CNTN4: variants seen among roughly 807,000 people sequenced by gnomAD.
The protein encoded by CNTN4 is contactin 4.
In CNTN4, 77 loss-of-function variants were observed where a neutral mutation model predicts 122.5. That is an observed-to-expected ratio of 0.63 (90% CI 0.52 to 0.76). CNTN4 has a LOEUF of 0.76. Among genes scored for constraint, CNTN4 ranks in the 30% least tolerant of loss-of-function variants. CNTN4 has a pLI of 0.00. For synonymous variants in CNTN4, 512 were observed against 447.0 expected, an observed-to-expected ratio of 1.15 and a Z score of -1.83; for missense variants, 1,256 against 1,259.1, an observed-to-expected ratio of 1.00 and a Z score of 0.04.
At chr3:2,375,592 G>C (rs767371014) in intron 3 of CNTN4, among the ~76,000 whole-genome samples, 1 of 152,138 alleles carries the variant, frequency 6.6e-6, no homozygotes, top group Non-Finnish European at 1.5e-5. Context: ...CAAAGCTCCT[G>C]CCAATTTCTG....
At chr3:2,931,027 G>T (rs1184298488) in intron 13 of CNTN4, among the ~76,000 whole-genome samples, 1 of 152,182 alleles carries the variant, frequency 6.6e-6, no homozygotes, top group Non-Finnish European at 1.5e-5. Flanking sequence ...GAAGACCATG[G>T]ACAGAATTGA....
intron 2 of CNTN4, among the ~76,000 whole-genome samples, chr3:2,161,712 C>T (rs1332298662): frequency 6.6e-6 from 1 of 152,082 alleles, no homozygotes; most frequent in Non-Finnish European, 1.5e-5. Context: ...ACGATGAGGA[C>T]AGAAGACATA....
intron 6 of CNTN4, among the ~76,000 whole-genome samples, chr3:2,774,914 A>G (rs1014647822): frequency 2.0e-5 from 3 of 152,224 alleles, no homozygotes; most frequent in Middle Eastern, 3.2e-3. Context: ...CAGGATTCTT[A>G]TGTCAATTCC....
At chr3:2,809,357 A>T (rs377268076) in intron 6 of CNTN4, among the ~76,000 whole-genome samples, 1 of 152,188 alleles carries the variant, frequency 6.6e-6, no homozygotes, top group African/African-American at 2.4e-5. Flanking sequence ...AACAGCAAGG[A>T]CATGGGTCCT....
chr3:2,583,571 A>C (rs2080044632), intron 4 of CNTN4, among the ~76,000 whole-genome samples: 2 of 152,230 alleles, frequency 1.3e-5, no homozygotes, highest in South Asian at 2.1e-4. Context: ...GATTTCAGAT[A>C]GTGGTTTTGG....
At chr3:2,859,364 C>T (rs2093649508) in intron 7 of CNTN4, among the ~76,000 whole-genome samples, 1 of 152,156 alleles carries the variant, frequency 6.6e-6, no homozygotes, top group Non-Finnish European at 1.5e-5. Context: ...CTACAATAAA[C>T]ATGAGAGTGC....
chr3:2,421,951 A>G (rs1199043829), intron 3 of CNTN4, among the ~76,000 whole-genome samples: 5 of 151,706 alleles, frequency 3.3e-5, no homozygotes, highest in Non-Finnish European at 5.9e-5. Context: ...TTCCTTTTAG[A>G]TGTCATTCAT....
chr3:2,853,683 C>G (rs190746861), intron 7 of CNTN4, among the ~76,000 whole-genome samples: 15 of 152,350 alleles, frequency 9.8e-5, no homozygotes, highest in Admixed American at 9.1e-4. Flanking sequence ...CCCAGACCAG[C>G]TTGTCAAAAA....
intron 13 of CNTN4, among the ~76,000 whole-genome samples, chr3:2,947,098 T>G (rs2094686897): frequency 6.6e-6 from 1 of 152,218 alleles, no homozygotes; most frequent in South Asian, 2.1e-4. Flanking sequence ...CATACAATCC[T>G]TGTATCCCAA....
At chr3:2,645,679 T>C (rs1479621094) in intron 4 of CNTN4, among the ~76,000 whole-genome samples, 1 of 152,220 alleles carries the variant, frequency 6.6e-6, no homozygotes, top group Non-Finnish European at 1.5e-5. Flanking sequence ...CAAAATCTAC[T>C]GGGAATATGT....
chr3:2,676,178 A>G (rs1202743966), intron 4 of CNTN4, among the ~76,000 whole-genome samples: 1 of 152,068 alleles, frequency 6.6e-6, no homozygotes, highest in Non-Finnish European at 1.5e-5. Context: ...CCTGAACACC[A>G]AACATCCAGT....
chr3:2,451,108 C>G (rs1051461879), intron 3 of CNTN4, among the ~76,000 whole-genome samples: 4 of 152,110 alleles, frequency 2.6e-5, no homozygotes, highest in Admixed American at 1.3e-4. Flanking sequence ...ATTTGGTTTT[C>G]TCCTTCATGA....
chr3:2,135,405 T>C (rs186556232), intron 2 of CNTN4, among the ~76,000 whole-genome samples: 34 of 152,360 alleles, frequency 2.2e-4, no homozygotes, highest in African/African-American at 7.9e-4. Context: ...TTTAAGATAG[T>C]AAATCTCTAT....
chr3:3,005,865 C>G (rs971121409), intron 14 of CNTN4, among the ~76,000 whole-genome samples: 2 of 150,630 alleles, frequency 1.3e-5, no homozygotes, highest in East Asian at 3.9e-4. Context: ...CAATTGCACT[C>G]TATCTCAGCA....
intron 11 of CNTN4, 50 bp downstream of exon 11, chr3:2,900,871 T>C: frequency 6.2e-7 from 1 of 1,603,872 alleles, no homozygotes; most frequent in East Asian, 2.2e-5. Flanking sequence ...TAACGTTTAA[T>C]ATAGCCTCAT....
chr3:2,938,233 T>A (rs1304677666), intron 13 of CNTN4, among the ~76,000 whole-genome samples: 2 of 152,132 alleles, frequency 1.3e-5, no homozygotes, highest in African/African-American at 4.8e-5. Flanking sequence ...TTGGCTCTAG[T>A]CCTGTATTTC....
chr3:2,810,686 T>C (rs1220952756), intron 6 of CNTN4, among the ~76,000 whole-genome samples: 1 of 152,260 alleles, frequency 6.6e-6, no homozygotes, highest in East Asian at 1.9e-4. Flanking sequence ...GAAGACTCCA[T>C]ACTGCTCTTA....
intron 2 of CNTN4, among the ~76,000 whole-genome samples, chr3:2,191,971 C>T (rs36176089): frequency 1.9e-4 from 28 of 151,186 alleles, no homozygotes; most frequent in Non-Finnish European, 3.7e-4. Flanking sequence ...TGAGTGAGAA[C>T]ATGCGGTGTT....
intron 2 of CNTN4, among the ~76,000 whole-genome samples, chr3:2,238,161 T>C (rs2039756633): frequency 6.6e-6 from 1 of 152,154 alleles, no homozygotes; most frequent in African/African-American, 2.4e-5. Flanking sequence ...TAACGTATTT[T>C]GGGATATGTA....
Sources: gnomAD v4.1 joint callset for allele counts (sites outside exome capture counted in the v4.1 genomes callset) on GRCh38, gnomAD v4.1.1 for gene constraint, MANE v1.5 for transcripts, NCBI Gene and HGNC (gene_info 2026-07-23, HGNC 2026-07-21) for gene names.